Variants in ATF2 observed in about 807,000 individuals in gnomAD.
The protein encoded by ATF2 is activating transcription factor 2, also known as cyclic AMP-dependent transcription factor ATF-2.
A neutral mutation model predicts 60.6 loss-of-function variants in ATF2; 24 were observed. That is an observed-to-expected ratio of 0.40 (90% CI 0.29 to 0.56). ATF2 has a LOEUF of 0.56. Ranked by LOEUF, ATF2 falls within the 20% of genes least tolerant of loss-of-function variation. ATF2 has a pLI of 0.54. For missense variants in ATF2, 433 were observed against 607.7 expected, an observed-to-expected ratio of 0.71 and a Z score of 3.02; for synonymous variants, 206 against 215.4, an observed-to-expected ratio of 0.96 and a Z score of 0.38.
chr2:175,162,211 T>C (rs941059981), intron 1 of ATF2, among the ~76,000 whole-genome samples: 7 of 152,182 alleles, frequency 4.6e-5, no homozygotes, highest in South Asian at 2.1e-4. Flanking sequence ...AAATATGAAA[T>C]ACACAATATT....
intron 10 of ATF2, among the ~76,000 whole-genome samples, chr2:175,099,161 T>C (rs2105616106): frequency 6.7e-6 from 1 of 150,286 alleles, no homozygotes; most frequent in Admixed American, 6.7e-5. Context: ...TGGAGGGCAG[T>C]GGCATGATCT....
chr2:175,161,224 C>T (rs1446486002), intron 1 of ATF2, among the ~76,000 whole-genome samples: 1 of 152,186 alleles, frequency 6.6e-6, no homozygotes, highest in Non-Finnish European at 1.5e-5. Flanking sequence ...GCATGTTCCT[C>T]CACAAATTAT....
chr2:175,129,139 T>A (rs1340236319), intron 4 of ATF2, among the ~76,000 whole-genome samples: 2 of 152,172 alleles, frequency 1.3e-5, no homozygotes, highest in Non-Finnish European at 2.9e-5. Context: ...AATGAAATAT[T>A]ATATCTCAAT....
intron 13 of ATF2, chr2:175,080,188 T>C (rs896545273): frequency 6.6e-6 from 1 of 152,164 alleles, no homozygotes; most frequent in African/African-American, 2.4e-5. Flanking sequence ...AATAAAAACG[T>C]TACACAATGC....
At chr2:175,165,183 T>C (rs930424667) in intron 1 of ATF2, among the ~76,000 whole-genome samples, 3 of 152,234 alleles carry the variant, frequency 2.0e-5, no homozygotes, top group South Asian at 4.1e-4. Flanking sequence ...AGGTGCTATA[T>C]GCATTGACTT....
chr2:175,099,102 CTTTTTT>C (rs35356799), intron 10 of ATF2, among the ~76,000 whole-genome samples: 9 of 113,578 alleles, frequency 7.9e-5, no homozygotes, highest in African/African-American at 2.6e-4. Flanking sequence ...TATTAAATTT[CTTTTTT>C]TTTTTTTTTT....
chr2:175,115,923 G>A (rs556209433), intron 7 of ATF2, among the ~76,000 whole-genome samples: 1 of 152,222 alleles, frequency 6.6e-6, no homozygotes, highest in South Asian at 2.1e-4. Context: ...TCGAACTGAT[G>A]ATAAAAGGAT....
intron 1 of ATF2, among the ~76,000 whole-genome samples, chr2:175,156,003 C>T (rs893435119): frequency 6.6e-6 from 1 of 152,084 alleles, no homozygotes; most frequent in Non-Finnish European, 1.5e-5. Context: ...CCAAAGATGT[C>T]CATACCCTAA....
chr2:175,111,259 A>C (rs1484547341), intron 10 of ATF2, among the ~76,000 whole-genome samples: 1 of 152,202 alleles, frequency 6.6e-6, no homozygotes, highest in African/African-American at 2.4e-5. Flanking sequence ...TCAGATGATC[A>C]CATCTAGTTT....
At position 175,074,707 on chromosome 2, in the gene ATF2, T is replaced by C. The variant is rs1693167012; in HGVS notation, c.1420A>G (p.Thr474Ala). 1 of 1,613,334 alleles carries C rather than the reference T, an allele frequency of 6.2e-7. No individual in the cohort carries two copies. The highest frequency in any genetic ancestry group is 8.5e-7 in the Non-Finnish European group (1 of 1,179,702). The change falls in exon 14 of 14, where the codon ACT (threonine) becomes GCT (alanine). Residue 474 changes from threonine to alanine, a missense_variant. By Grantham distance (58) the Thr-to-Ala change is moderately conservative (BLOSUM62 0). This residue lies in a region of ATF2 where 114 missense variants were observed against 104.0 expected (regional missense o/e 1.10). Transcript: ENST00000264110. ...TCCGCCATCTGGGTGAGGACTGAAG[T>C]GGCTACAGCTTCTGCCTTGGAGGTT... ...SSTSKAEAVA[T>A]SVLTQMADQS...
At chr2:175,164,981 C>T (rs1034334821) in intron 1 of ATF2, among the ~76,000 whole-genome samples, 1 of 152,140 alleles carries the variant, frequency 6.6e-6, no homozygotes, top group Non-Finnish European at 1.5e-5. Context: ...CTCAGCCTCC[C>T]CAGTAGCTGG....
chr2:175,122,327 G>T (rs564978739), intron 4 of ATF2, among the ~76,000 whole-genome samples: 1 of 152,034 alleles, frequency 6.6e-6, no homozygotes, highest in South Asian at 2.1e-4. Flanking sequence ...CATTTTTGAA[G>T]ATGCTCATTA....
At position 175,074,182 on chromosome 2, in the gene ATF2, A is replaced by G. The variant is rs984499266; in HGVS notation, c.*427T>C. On this transcript the variant is annotated 3_prime_UTR_variant, in exon 14 of 14. Coordinates refer to ENST00000264110, the MANE Select transcript of ATF2 (RefSeq NM_001880.4). ...ACTCCGTTAACATTACAAAGTCAAC[A>G]GGGACTATGCAAAACTTTGGTATAA... The G allele has an allele frequency of 6.4e-6, 1 of 155,110 alleles. No homozygotes were observed. The highest frequency in any genetic ancestry group is 2.4e-5 in the African/African-American group (1 of 41,466). 9.6% of individuals were successfully genotyped at this position (155,110 alleles called of 1,614,324 possible). A position where few individuals can be genotyped will look rare whatever the true frequency, so the allele number is the denominator to read the frequency against.
In ATF2 at chr2:175,093,023, AAAAG is replaced by A. The variant is rs1321959075; in HGVS notation, c.1185+34_1185+37del. On this transcript the variant is annotated intron_variant, in intron 12 of 13. Transcript: ENST00000264110. Reference sequence around the variant, plus strand: ...AAAAATCTATGTTCACAATTATTAAAAAAGAAATAAAACAAAATTCACATATATG... The same window carrying A: ...AAAAATCTATGTTCACAATTATTAAAAAATAAAACAAAATTCACATATATG... 4 of 1,584,060 alleles carry A rather than the reference AAAAG, an allele frequency of 2.5e-6. No individual in the cohort carries two copies. In the African/African-American group the frequency reaches 4.1e-5, roughly 16 times the overall value.
At chr2:175,106,250 G>A (rs946029559) in intron 10 of ATF2, among the ~76,000 whole-genome samples, 1 of 152,156 alleles carries the variant, frequency 6.6e-6, no homozygotes, top group Non-Finnish European at 1.5e-5. Flanking sequence ...AGAATTCCAG[G>A]CTGAGTGCAG....
At chr2:175,110,163 C>T (rs928301451) in intron 10 of ATF2, among the ~76,000 whole-genome samples, 47 of 151,958 alleles carry the variant, frequency 3.1e-4, no homozygotes, top group Admixed American at 3.3e-4. Context: ...GGTGAAAACC[C>T]GTCTCTACTA....
chr2:175,161,322 G>A lies in ATF2; in HGVS notation c.-143+6728C>T, dbSNP rs547110046. Among the ~76,000 whole-genome samples, 31 of 152,330 alleles carry A rather than the reference G, an allele frequency of 2.0e-4. No individual in the cohort carries two copies. The East Asian group carries it at 5.4e-3, about 27-fold the overall frequency. On this transcript the variant is annotated intron_variant, in intron 1 of 13. Coordinates refer to ENST00000264110, the MANE Select transcript of ATF2 (RefSeq NM_001880.4). ...TTCAAGCTACAGCACAAGCATGCCT[G>A]GAGGGCTAGGCTAGATTATTTCTGA... is the stretch of plus-strand genomic sequence containing the variant.
Position 175,111,585 on chromosome 2 carries a change from G to C in ATF2, c.811C>G (p.Gln271Glu). The stretch of plus-strand genomic sequence containing the variant: ...TGGCTTACCATTTTTGCTTCTGACT[G>C]TACTGGTTGGGGAGAGGAAGGACCT... ...IPGPSSPQPV[Q>E]SEAKMRLKAA... Residue 271 changes from glutamine to glutamate, a missense_variant, in exon 10 of 14, where the codon CAG becomes GAG. Gln to Glu is a conservative substitution (Grantham distance 29). Coordinates refer to ENST00000264110, the MANE Select transcript of ATF2 (RefSeq NM_001880.4). The C allele has an allele frequency of 6.2e-7, 1 of 1,613,694 alleles. No individual in the cohort carries two copies. The highest frequency in any genetic ancestry group is 8.5e-7 in the Non-Finnish European group (1 of 1,179,712).
At position 175,118,260 on chromosome 2, in the gene ATF2, G is replaced by A; in HGVS notation, c.309C>T (p.Asp103=). The A allele has an allele frequency of 1.2e-6, 2 of 1,606,328 alleles. No homozygotes were observed. The highest frequency in any genetic ancestry group is 1.7e-6 in the Non-Finnish European group (2 of 1,176,730). ...CATGGTTACAACATACTTTTTTAAT[G>A]TCATCTTCTGAAGCTTTCTTGAATT... ...ENEFKKASED[D]IKKMPLDLSP... The change falls in exon 6 of 14, where the codon GAC becomes GAT. Residue 103 remains aspartate, a synonymous_variant. Transcript: ENST00000264110.
Sources: allele counts gnomAD v4.1 joint callset (sites outside exome capture counted in the v4.1 genomes callset), GRCh38; gene constraint gnomAD v4.1.1; regional missense constraint gnomAD v4.1.1; transcripts MANE v1.5; gene names NCBI Gene and HGNC (gene_info 2026-07-23, HGNC 2026-07-21).